Variants in MCF2L observed in about 807,000 individuals in gnomAD.
MCF2L encodes the protein MCF.2 cell line derived transforming sequence like.
A neutral mutation model predicts 153.4 loss-of-function variants in MCF2L; 97 were observed. The ratio of observed to expected loss-of-function variants is 0.63; its 90% CI spans 0.54 to 0.75. MCF2L has a LOEUF of 0.75. MCF2L is among the 30% of genes least tolerant of loss of function. The probability of loss-of-function intolerance (pLI) is 0.00; values close to 1 mark genes in which losing one functional copy is unlikely to be tolerated. For synonymous variants in MCF2L, 659 were observed against 632.2 expected (o/e 1.04, Z -0.64); for missense variants, 1,347 against 1,495.2 (o/e 0.90, Z 1.64).
chr13:112,980,252 A>C (rs941566478), intron 1 of MCF2L, among the ~76,000 whole-genome samples: 2 of 152,240 alleles, frequency 1.3e-5, no homozygotes, highest in African/African-American at 4.8e-5. Context: ...CTAAACTCTC[A>C]CAAGTCACAG....
At chr13:112,986,025 C>T (rs1386127606) in intron 1 of MCF2L, among the ~76,000 whole-genome samples, 1 of 152,250 alleles carries the variant, frequency 6.6e-6, no homozygotes, top group Non-Finnish European at 1.5e-5. Context: ...GTCAGTGAGC[C>T]CCCAGGGCCG....
At chr13:113,000,848 C>T (rs1389550765) in intron 1 of MCF2L, among the ~76,000 whole-genome samples, 1 of 152,216 alleles carries the variant, frequency 6.6e-6, no homozygotes, top group Admixed American at 6.5e-5. Flanking sequence ...ACATAGCAGG[C>T]CGGGGTCCCA....
In MCF2L at chr13:113,026,301, C is replaced by G. The variant is rs529421956; in HGVS notation, c.278+1543C>G. 6.5e-5 allele frequency among the ~76,000 whole-genome samples: 6 copies of G among 92,196 alleles called. No individual in the cohort carries two copies. In the South Asian group the frequency reaches 2.4e-3, roughly 37 times the overall value. The allele number at this position is 92,196 out of a possible 152,430, so 60.5% of individuals were successfully genotyped here. On this transcript the variant is annotated intron_variant, in intron 3 of 29. Coordinates refer to ENST00000535094, the MANE Select transcript of MCF2L (RefSeq NM_001112732.3). ...CACCATGGTGGGGTCCCCGTGACTG[C>G]AGGATGAATTAGGGTCTCTGGGAGC...
chr13:113,093,161 C>T (rs1316021869), intron 26 of MCF2L, among the ~76,000 whole-genome samples: 1 of 152,256 alleles, frequency 6.6e-6, no homozygotes, highest in East Asian at 1.9e-4. Flanking sequence ...GTCCCTGCTG[C>T]TGTAGAGGAG....
chr13:112,987,956 C>G (rs1410109250), intron 1 of MCF2L, among the ~76,000 whole-genome samples: 1 of 152,230 alleles, frequency 6.6e-6, no homozygotes, highest in Non-Finnish European at 1.5e-5. Context: ...GAATCCTGCT[C>G]TATATTTTTG....
At chr13:112,923,915 G>A (rs2081378377) in intron 2 of MCF2L, among the ~76,000 whole-genome samples, 1 of 152,118 alleles carries the variant, frequency 6.6e-6, no homozygotes, top group Non-Finnish European at 1.5e-5. Context: ...GAGAGGGCAG[G>A]CCAGTTATGT....
intron 1 of MCF2L, among the ~76,000 whole-genome samples, chr13:112,900,492 A>G (rs2081109378): frequency 6.6e-6 from 1 of 152,260 alleles, no homozygotes; most frequent in Non-Finnish European, 1.5e-5. Context: ...ACAAGTTCTG[A>G]ACAGTAGCAG....
At position 113,070,116 on chromosome 13, in the gene MCF2L, T is replaced by C; in HGVS notation, c.939T>C (p.His313=). The change falls in exon 9 of 30, where the codon CAT becomes CAC. Residue 313 remains histidine, a synonymous_variant. Transcript: ENST00000535094. The surrounding 1 kb of genome is among the most constrained non-coding windows in gnomAD (Gnocchi z 5.6). ...EAAFDEFWAK[H]QQKLEQCLQL... ...CCTTCGATGAGTTCTGGGCAAAGCATCAGCAGAAACTGGAGCAGTGTCTGC... is the reference window on the plus strand; with the variant it reads ...CCTTCGATGAGTTCTGGGCAAAGCACCAGCAGAAACTGGAGCAGTGTCTGC... The C allele has an allele frequency of 6.2e-7, 1 of 1,609,922 alleles. No individual in the cohort carries two copies.
chr13:112,988,743 G>A (rs1183590468), intron 1 of MCF2L, among the ~76,000 whole-genome samples: 90 of 142,866 alleles, frequency 6.3e-4, no homozygotes, highest in Non-Finnish European at 1.2e-3. Flanking sequence ...CCACACCCGA[G>A]TCCTCCCTGA....
chr13:112,982,989 C>T (rs1016566291), intron 1 of MCF2L, among the ~76,000 whole-genome samples: 6 of 152,180 alleles, frequency 3.9e-5, no homozygotes, highest in Non-Finnish European at 5.9e-5. Context: ...ATGGTGGTGA[C>T]GCTCAGGAGG....
intron 1 of MCF2L, among the ~76,000 whole-genome samples, chr13:112,997,637 G>T (rs915652009): frequency 6.6e-6 from 1 of 152,242 alleles, no homozygotes; most frequent in Non-Finnish European, 1.5e-5. Context: ...GACCAGGTTT[G>T]TAAAATGAAA....
chr13:113,041,615 G>A (rs2086495771), intron 3 of MCF2L, among the ~76,000 whole-genome samples: 1 of 152,148 alleles, frequency 6.6e-6, no homozygotes, highest in South Asian at 2.1e-4. Context: ...ATGGGTAGAG[G>A]AGGTGCTAGG....
At chr13:112,986,008 T>C (rs1210281177) in intron 1 of MCF2L, among the ~76,000 whole-genome samples, 1 of 152,216 alleles carries the variant, frequency 6.6e-6, no homozygotes, top group Non-Finnish European at 1.5e-5. Context: ...CCTCTTCCCG[T>C]CCCGTGGTCA....
At chr13:113,087,600 T>C in intron 22 of MCF2L, 107 bp from the exon 23 acceptor site, 1 of 1,164,678 alleles carries the variant, frequency 8.6e-7, no homozygotes, top group Non-Finnish European at 1.3e-6. Flanking sequence ...TTCTTAGCCC[T>C]CACCCCCAAA....
At chr13:113,026,138 G>T (rs796956672) in intron 3 of MCF2L, among the ~76,000 whole-genome samples, 1 of 42,212 alleles carries the variant, frequency 2.4e-5, no homozygotes, top group Non-Finnish European at 5.4e-5. Flanking sequence ...CCCCGTGACT[G>T]TGGGTCGGGG....
intron 2 of MCF2L, among the ~76,000 whole-genome samples, chr13:112,921,658 C>T (rs996317677): frequency 1.3e-5 from 2 of 152,132 alleles, no homozygotes; most frequent in African/African-American, 2.4e-5. Flanking sequence ...GTATTTTGGA[C>T]GACAGAGACA....
At chr13:113,063,960 C>T (rs925407256) in intron 5 of MCF2L, 12 of 416,992 alleles carry the variant, frequency 2.9e-5, no homozygotes, top group South Asian at 7.4e-5. Context: ...ATGGATGACC[C>T]GTGAGGTCGG....
rs1433179738 is a variant in MCF2L at position 113,005,228 on chromosome 13, G to A, written c.80-9535G>A. Among the ~76,000 whole-genome samples the A allele has an allele frequency of 2.0e-5, 3 of 152,186 alleles. 1 individual carries two copies. The highest frequency in any genetic ancestry group is 2.0e-4 in the Admixed American group (3 of 15,280). On this transcript the variant is annotated intron_variant, in intron 1 of 29. Transcript: ENST00000535094. Reference sequence around the variant, plus strand: ...CAGTGCTGAGCAAAATCAGCCACAGGCAAAGCCACGGCCTGCTGAGTAAAA... The same window carrying A: ...CAGTGCTGAGCAAAATCAGCCACAGACAAAGCCACGGCCTGCTGAGTAAAA...
chr13:113,077,043 C>T lies in MCF2L; in HGVS notation c.1501-9C>T, dbSNP rs375273455. The T allele has an allele frequency of 3.5e-5, 56 of 1,605,204 alleles. No individual in the cohort carries two copies. Among genetic ancestry groups the T allele is most frequent in the Middle Eastern group, 1.7e-4 (1 of 6,052 alleles). On this transcript the variant is annotated splice_polypyrimidine_tract_variant and intron_variant, in intron 12 of 29. Transcript: ENST00000535094. ...TGTGCAAGGCACCTTACTGAGCATG[C>T]GGTTTCAGGAGCACGTGCGAAAGGT...
Sources: gnomAD v4.1 joint callset for allele counts (sites outside exome capture counted in the v4.1 genomes callset) on GRCh38, gnomAD v4.1.1 for gene constraint, Gnocchi (gnomAD v3.1) non-coding constraint, MANE v1.5 for transcripts, NCBI Gene and HGNC (gene_info 2026-07-23, HGNC 2026-07-21) for gene names.